The following PCDHA6 variants were observed in gnomAD, a reference collection of about 807,000 sequenced individuals.
PCDHA6 encodes protocadherin alpha-6.
In PCDHA6, 55 loss-of-function variants were observed where a neutral mutation model predicts 60.3. That is an observed-to-expected ratio of 0.91 (90% CI 0.73 to 1.14). PCDHA6 has a LOEUF of 1.14. Ranked by LOEUF, PCDHA6 falls within the 50% of genes most tolerant of loss-of-function variation. The pLI, the probability that PCDHA6 is intolerant of heterozygous loss-of-function variation, is 0.00. For missense variants in PCDHA6, 1,327 were observed against 1,256.5 expected (o/e 1.06, Z -0.85); for synonymous variants, 652 against 557.9 (o/e 1.17, Z -2.38).
At chr5:140,982,683 T>C in intron 3 of PCDHA6, 120 bp downstream of exon 3, 2 of 1,424,800 alleles carry the variant, frequency 1.4e-6, no homozygotes, top group Non-Finnish European at 1.8e-6. Context: ...TATTCCCTTT[T>C]TTCCATACAT....
chr5:140,941,242 T>TC (rs1312617364), intron 1 of PCDHA6, among the ~76,000 whole-genome samples: 1 of 141,172 alleles, frequency 7.1e-6, no homozygotes, highest in East Asian at 2.0e-4. Flanking sequence ...TTTCTTTCTT[T>TC]CTTTCTTTCT....
At chr5:140,861,589 T>C in intron 1 of PCDHA6, 2 of 373,158 alleles carry the variant, frequency 5.4e-6, no homozygotes, top group South Asian at 4.9e-5. Context: ...CATGTGGAGG[T>C]GAAAGTGAAG....
chr5:140,969,007 A>T, intron 1 of PCDHA6: 2 of 1,614,148 alleles, frequency 1.2e-6, no homozygotes, highest in Non-Finnish European at 1.7e-6. Context: ...GCTTCTGTGG[A>T]GTAAGGGAAA....
At chr5:140,858,825 A>G in intron 1 of PCDHA6, 1 of 333,686 alleles carries the variant, frequency 3.0e-6, no homozygotes, top group Non-Finnish European at 5.6e-6. Flanking sequence ...TTGTATTTGC[A>G]TTACCAAAAA....
rs782372222 is a variant in PCDHA6 at position 140,876,213 on chromosome 5, T to C, written c.2394+45728T>C. 11 of 1,613,846 alleles carry C rather than the reference T, an allele frequency of 6.8e-6. No homozygotes were observed. The Admixed American group carries it at 8.3e-5, about 12-fold the overall frequency. On this transcript the variant is annotated intron_variant, in intron 1 of 3. Coordinates refer to ENST00000529310, the MANE Select transcript of PCDHA6 (RefSeq NM_018909.4). The stretch of plus-strand genomic sequence containing the variant: ...GTCCGGCGTTTGATAAGCCCAGCTA[T>C]AAAGTAGTGTTGTCTGAAAATGTCC...
Position 140,978,781 on chromosome 5 carries a change from A to C in PCDHA6, c.2395-168A>C, listed in dbSNP as rs4461687. ...GACCCTGATGAACTAATTTTCTTCT[A>C]AAGTGCTATATATGTAGATATCATC... On this transcript the variant is annotated intron_variant, in intron 1 of 3. Coordinates refer to ENST00000529310, the MANE Select transcript of PCDHA6 (RefSeq NM_018909.4). 2,731 of 969,880 alleles carry C rather than the reference A, an allele frequency of 2.8e-3. 24 individuals carry two copies. The East Asian group carries it at 0.042, about 15-fold the overall frequency. The allele number at this position is 969,880 out of a possible 1,614,324, so 60.1% of individuals were successfully genotyped here.
At chr5:140,856,856 G>A in intron 1 of PCDHA6, 1 of 1,594,396 alleles carries the variant, frequency 6.3e-7, no homozygotes, top group Non-Finnish European at 8.6e-7. Context: ...TGATTCGGAT[G>A]AAGGAATAAA....
intron 3 of PCDHA6, among the ~76,000 whole-genome samples, chr5:141,008,972 C>T (rs1554261973): frequency 6.6e-6 from 1 of 152,148 alleles, no homozygotes; most frequent in African/African-American, 2.4e-5. Context: ...CATTTATAGC[C>T]AAAGTTTAAT....
chr5:140,834,430 T>G lies in PCDHA6; in HGVS notation c.2394+3945T>G, dbSNP rs1772988192. 1.9e-6 allele frequency: 3 copies of G among 1,613,806 alleles called. No homozygotes were observed. In the East Asian group the frequency reaches 6.7e-5, roughly 36 times the overall value. On this transcript the variant is annotated intron_variant, in intron 1 of 3. Coordinates refer to ENST00000529310, the MANE Select transcript of PCDHA6 (RefSeq NM_018909.4). ...GACCCAGGGGGCCGACATCTACTGC[T>G]GTTTATTATAATTCTAGCAGCTTGG...
At chr5:140,885,291 G>A (rs1554182107) in intron 1 of PCDHA6, among the ~76,000 whole-genome samples, 6 of 152,132 alleles carry the variant, frequency 3.9e-5, no homozygotes, top group Non-Finnish European at 8.8e-5. Context: ...TATATAGAGA[G>A]AGACCTGGTA....
rs112991614 is a variant in PCDHA6, at chr5:140,829,474, A to G, written c.1383A>G (p.Thr461=). 3.3e-3 allele frequency: 5,348 copies of G among 1,613,788 alleles called. 124 individuals carry two copies. In the African/African-American group the frequency reaches 0.055, roughly 17 times the overall value. The change falls in exon 1 of 4, where the codon ACA becomes ACG. Residue 461 remains threonine (T), a synonymous_variant. Transcript: ENST00000529310. ...NAPAFAQPEY[T]VFVKENNPPG... ...CGGCGTTCGCGCAGCCCGAGTACAC[A>G]GTGTTCGTGAAGGAGAACAACCCGC...
intron 1 of PCDHA6, chr5:140,836,332 T>C (rs2150258033): frequency 1.2e-6 from 2 of 1,613,714 alleles, no homozygotes; most frequent in Non-Finnish European, 1.7e-6. Context: ...CTTCTGGTGC[T>C]TGTGAAGGAC....
chr5:140,896,137 G>A (rs547993953), intron 1 of PCDHA6, among the ~76,000 whole-genome samples: 16 of 152,260 alleles, frequency 1.1e-4, no homozygotes, highest in African/African-American at 3.1e-4. Flanking sequence ...TTTATCCAGT[G>A]CACCATTGAT....
At chr5:140,996,386 C>G (rs574909973) in intron 3 of PCDHA6, among the ~76,000 whole-genome samples, 1 of 152,268 alleles carries the variant, frequency 6.6e-6, no homozygotes, top group South Asian at 2.1e-4. Flanking sequence ...GAAATAATGC[C>G]TCATAGAGTT....
In PCDHA6 at chr5:140,870,085, C is replaced by G. The variant is rs200687541; in HGVS notation, c.2394+39600C>G. The stretch of plus-strand genomic sequence containing the variant: ...ACAGGCTACAGATAAGGGGACTCCC[C>G]CAATGGCAGGTCACTGTACAGTCTG... On this transcript the variant is annotated intron_variant, in intron 1 of 3. Coordinates refer to ENST00000529310, the MANE Select transcript of PCDHA6 (RefSeq NM_018909.4). 11 of 1,613,744 alleles carry G rather than the reference C, an allele frequency of 6.8e-6. No individual in the cohort carries two copies. The African/African-American group carries it at 1.3e-4, about 20-fold the overall frequency.
At chr5:140,992,251 A>G (rs1554252780) in intron 3 of PCDHA6, among the ~76,000 whole-genome samples, 1 of 152,198 alleles carries the variant, frequency 6.6e-6, no homozygotes, top group Non-Finnish European at 1.5e-5. Flanking sequence ...AAGTAGAGCT[A>G]AAGATGAAAG....
At chr5:140,855,487 T>A (rs1554147815) in intron 1 of PCDHA6, among the ~76,000 whole-genome samples, 3 of 149,802 alleles carry the variant, frequency 2.0e-5, no homozygotes, top group Non-Finnish European at 1.5e-5. Flanking sequence ...GACATTAGTG[T>A]CTAAATAAAC....
chr5:140,882,265 T>A (rs782012488), intron 1 of PCDHA6: 2 of 1,609,948 alleles, frequency 1.2e-6, no homozygotes, highest in African/African-American at 2.7e-5. Flanking sequence ...TTTTGGAGTG[T>A]ACCATGCTGT....
intron 1 of PCDHA6, 142 bp from the exon 2 acceptor site, chr5:140,978,807 A>T (rs1489269679): frequency 6.7e-7 from 1 of 1,494,726 alleles, no homozygotes; most frequent in Non-Finnish European, 8.9e-7. Context: ...AGATATCATC[A>T]TAGAGTTACA....
Sources: allele counts gnomAD v4.1 joint callset (sites outside exome capture counted in the v4.1 genomes callset), GRCh38; gene constraint gnomAD v4.1.1; transcripts MANE v1.5; gene names NCBI Gene and HGNC (gene_info 2026-07-23, HGNC 2026-07-21).